Variants in SPATA17 observed in about 807,000 individuals in gnomAD.
The protein encoded by SPATA17 is spermatogenesis associated 17.
SPATA17 carries 53 observed loss-of-function variants against 62.2 expected under a neutral mutation model. That is an observed-to-expected ratio of 0.85 (90% CI 0.68 to 1.07). The LOEUF (loss-of-function observed/expected upper bound fraction) is 1.07, where lower values mean the gene tolerates loss of function less well. Ranked by LOEUF, SPATA17 falls within the 50% of genes least tolerant of loss-of-function variation. The probability of loss-of-function intolerance (pLI) is 0.00; values close to 1 mark genes in which losing one functional copy is unlikely to be tolerated. For synonymous variants in SPATA17, 146 were observed against 146.8 expected (o/e 0.99, Z 0.04); for missense variants, 466 against 425.5 (o/e 1.10, Z -0.84).
chr1:217,783,906 T>G lies in SPATA17; in HGVS notation c.872+1584T>G, dbSNP rs150231948. On this transcript the variant is annotated intron_variant, in intron 8 of 10. Coordinates refer to ENST00000366933, the MANE Select transcript of SPATA17 (RefSeq NM_138796.4). ...TTCCACAGTGTTGCTGATGACCCTT[T>G]GCTCTGAGGCTTTCCGAGATTGCAA... Among the ~76,000 whole-genome samples, 28 of 152,248 alleles carry G rather than the reference T, an allele frequency of 1.8e-4. No homozygotes were observed. The East Asian group carries it at 5.2e-3, about 28-fold the overall frequency.
intron 9 of SPATA17, among the ~76,000 whole-genome samples, chr1:217,817,349 A>C (rs981625952): frequency 6.6e-6 from 1 of 152,032 alleles, no homozygotes; most frequent in Non-Finnish European, 1.5e-5. Context: ...ATAGCAAACA[A>C]GTTCTCATAA....
At chr1:217,678,129 T>C (rs1157274532) in intron 4 of SPATA17, among the ~76,000 whole-genome samples, 2 of 151,984 alleles carry the variant, frequency 1.3e-5, no homozygotes, top group Non-Finnish European at 2.9e-5. Flanking sequence ...TGCTCTCATA[T>C]ACATTTAGAG....
chr1:217,837,360 A>T (rs926763599), intron 9 of SPATA17, among the ~76,000 whole-genome samples: 7 of 152,138 alleles, frequency 4.6e-5, no homozygotes, highest in African/African-American at 9.7e-5. Context: ...GTACTAAACA[A>T]TCAGAATGGA....
At chr1:217,678,209 T>C (rs1468820071) in intron 4 of SPATA17, among the ~76,000 whole-genome samples, 3 of 142,640 alleles carry the variant, frequency 2.1e-5, no homozygotes, top group East Asian at 2.0e-4. Context: ...TCTTTTCTTT[T>C]TTTTTTTTTT....
chr1:217,853,217 T>C (rs538318529), intron 9 of SPATA17, among the ~76,000 whole-genome samples: 4 of 152,306 alleles, frequency 2.6e-5, no homozygotes, highest in Non-Finnish European at 5.9e-5. Flanking sequence ...CTAGGTTTAG[T>C]AGAGGATCAT....
At chr1:217,750,003 A>ATATATATATATATATATATATATATT (rs1672868875) in intron 6 of SPATA17, among the ~76,000 whole-genome samples, 1 of 124,468 alleles carries the variant, frequency 8.0e-6, no homozygotes, top group African/African-American at 2.9e-5. Flanking sequence ...ATATATATAT[A>ATATATATATATATATATATATATATT]TATATATATG....
Position 217,816,692 on chromosome 1 carries a change from G to A in SPATA17, c.1005+14842G>A, listed in dbSNP as rs115639236. ...TTAAAAAATGATATTGAAATATTAA[G>A]AAGTTACTATCTTTTTGAGTGAGGT... On this transcript the variant is annotated intron_variant, in intron 9 of 10. Transcript: ENST00000366933. Among the ~76,000 whole-genome samples the A allele has an allele frequency of 1.3e-3, 191 of 152,066 alleles. 2 individuals are homozygous for A. The highest frequency in any genetic ancestry group is 4.1e-3 in the African/African-American group (170 of 41,536).
rs376041446 is a variant in SPATA17, at chr1:217,793,215, G to GTTTTTTTTTTTTTTTTTTTTTTTTTTT, written c.873-8498_873-8497insTTTTTTTTTTTTTTTTTTTTTTTTTTT. ...GAATTGCTTTAATGTTAGGGCAGTG[G>GTTTTTTTTTTTTTTTTTTTTTTTTTTT]TTTTTGTTTTTTTTTTTTTTTTTGA... On this transcript the variant is annotated intron_variant, in intron 8 of 10. Transcript: ENST00000366933. 1.7e-5 allele frequency among the ~76,000 whole-genome samples: 2 copies of GTTTTTTTTTTTTTTTTTTTTTTTTTTT among 114,598 alleles called. 1 individual carries two copies. 75.2% of individuals were successfully genotyped at this position (114,598 alleles called of 152,430 possible).
intron 1 of SPATA17, 150 bp from the exon 2 acceptor site, chr1:217,648,732 C>A: frequency 2.4e-6 from 1 of 424,650 alleles, no homozygotes; most frequent in Non-Finnish European, 4.1e-6. Flanking sequence ...TTTGAAATGC[C>A]TTATTTATTT....
intron 5 of SPATA17, among the ~76,000 whole-genome samples, chr1:217,715,956 C>A (rs773636215): frequency 6.6e-6 from 1 of 152,108 alleles, no homozygotes; most frequent in Non-Finnish European, 1.5e-5. Flanking sequence ...AGCAAAAAAA[C>A]TTTAAAAGTG....
At chr1:217,670,007 A>C (rs941277134) in intron 4 of SPATA17, among the ~76,000 whole-genome samples, 3 of 152,180 alleles carry the variant, frequency 2.0e-5, no homozygotes, top group African/African-American at 7.2e-5. Context: ...AAAAGGAAGA[A>C]GTAGATCTTC....
Position 217,812,744 on chromosome 1 carries a change from A to G in SPATA17, c.1005+10894A>G, listed in dbSNP as rs150897187. Among the ~76,000 whole-genome samples the G allele has an allele frequency of 7.0e-3, 1,066 of 152,330 alleles. 14 individuals carry two copies. Among genetic ancestry groups the G allele is most frequent in the African/African-American group, 0.024 (1,011 of 41,576 alleles). ...TGGACAATAAAAAATTCAGTGTACT[A>G]AAAACATCCTTTTGGTTGTCAAAAC... On this transcript the variant is annotated intron_variant, in intron 9 of 10. Transcript: ENST00000366933.
chr1:217,824,431 C>T (rs1023275247), intron 9 of SPATA17, among the ~76,000 whole-genome samples: 1 of 150,986 alleles, frequency 6.6e-6, no homozygotes, highest in African/African-American at 2.4e-5. Context: ...ACAATAAATT[C>T]TCCATCAGTT....
chr1:217,810,660 G>A (rs933940632), intron 9 of SPATA17, among the ~76,000 whole-genome samples: 2 of 151,764 alleles, frequency 1.3e-5, no homozygotes, highest in African/African-American at 2.4e-5. Flanking sequence ...TCTGAGACTC[G>A]GTTATTTTTA....
intron 3 of SPATA17, among the ~76,000 whole-genome samples, chr1:217,654,793 A>G (rs921340992): frequency 6.7e-6 from 1 of 148,908 alleles, no homozygotes; most frequent in Admixed American, 6.7e-5. Context: ...GCTCACTGCA[A>G]CCTCTGCCTC....
At chr1:217,667,641 T>C (rs1670729279) in intron 3 of SPATA17, among the ~76,000 whole-genome samples, 1 of 152,158 alleles carries the variant, frequency 6.6e-6, no homozygotes, top group Non-Finnish European at 1.5e-5. Context: ...CACTCTACTG[T>C]TAACTAAACA....
At chr1:217,865,728 T>C (rs979122653) in intron 10 of SPATA17, among the ~76,000 whole-genome samples, 11 of 152,162 alleles carry the variant, frequency 7.2e-5, no homozygotes, top group African/African-American at 2.7e-4. Flanking sequence ...TTGGTTGTAA[T>C]TTTATGAATT....
At chr1:217,729,398 G>A (rs1173930138) in intron 5 of SPATA17, among the ~76,000 whole-genome samples, 1 of 152,130 alleles carries the variant, frequency 6.6e-6, no homozygotes, top group African/African-American at 2.4e-5. Context: ...TAACATTTCA[G>A]TAAACCTCAT....
rs1673627501 is a variant in SPATA17, at chr1:217,777,694, G to A, written c.723+3157G>A. On this transcript the variant is annotated intron_variant, in intron 7 of 10. Transcript: ENST00000366933. ...TGGGATTACAGGAATAAGCCATCAC[G>A]CCAGGCCCATGTATCAGCATTCTCA... 3.3e-5 allele frequency among the ~76,000 whole-genome samples: 5 copies of A among 152,272 alleles called. No homozygotes were observed. The South Asian group carries it at 6.2e-4, about 19-fold the overall frequency.
Sources: allele counts gnomAD v4.1 joint callset (sites outside exome capture counted in the v4.1 genomes callset), GRCh38; gene constraint gnomAD v4.1.1; transcripts MANE v1.5; gene names NCBI Gene and HGNC (gene_info 2026-07-23, HGNC 2026-07-21).